Variants in PLPP3 observed in about 807,000 individuals in gnomAD.
PLPP3 encodes the protein phospholipid phosphatase 3, also known as PAP2 beta.
In PLPP3, 6 loss-of-function variants were observed where a neutral mutation model predicts 29.6. The observed-to-expected ratio is 0.20, with a 90% CI of 0.11 to 0.40. PLPP3 has a LOEUF of 0.40. Ranked by LOEUF, PLPP3 falls within the 10% of genes least tolerant of loss-of-function variation. The pLI, the probability that PLPP3 is intolerant of heterozygous loss-of-function variation, is 1.00. For missense variants in PLPP3, 308 were observed against 407.7 expected (o/e 0.76, Z 2.11); for synonymous variants, 152 against 159.7 (o/e 0.95, Z 0.36).
At chr1:56,513,736 C>T (rs897413796) in intron 4 of PLPP3, 2 of 152,018 alleles carry the variant, frequency 1.3e-5, no homozygotes, top group African/African-American at 4.8e-5. Flanking sequence ...AGAATACTGA[C>T]AAAAAAGATC....
In PLPP3 at chr1:56,555,015, A is replaced by G. The variant is rs77759854; in HGVS notation, c.140-17903T>C. ...AGCACAGACTTAGGAGCAATGGGGTATATGTGGTGATCACAGTTCAAATGT... is the reference window on the plus strand; with the variant it reads ...AGCACAGACTTAGGAGCAATGGGGTGTATGTGGTGATCACAGTTCAAATGT... On this transcript the variant is annotated intron_variant, in intron 1 of 5. Transcript: ENST00000371250. Among the ~76,000 whole-genome samples, 3 of 152,166 alleles carry G rather than the reference A, an allele frequency of 2.0e-5. No individual in the cohort carries two copies. In the East Asian group the frequency reaches 5.8e-4, roughly 29 times the overall value.
intron 4 of PLPP3, among the ~76,000 whole-genome samples, chr1:56,521,723 C>CTCTTCCTTTCCTCTCTCCCTTT (rs1645820933): frequency 9.2e-6 from 1 of 108,890 alleles, no homozygotes; most frequent in African/African-American, 3.1e-5. Context: ...CTCCCTCCCT[C>CTCTTCCTTTCCTCTCTCCCTTT]TCTCTTCCTT....
intron 1 of PLPP3, among the ~76,000 whole-genome samples, chr1:56,566,766 TACA>T (rs1269058201): frequency 6.6e-6 from 1 of 152,250 alleles, no homozygotes. Context: ...TTCACATACT[TACA>T]ACTTGATTTT....
intron 4 of PLPP3, among the ~76,000 whole-genome samples, chr1:56,516,679 T>G (rs929690828): frequency 1.4e-4 from 22 of 152,068 alleles, no homozygotes; most frequent in African/African-American, 5.3e-4. Context: ...GAAAGTGATT[T>G]GCAGCCACAG....
chr1:56,529,805 A>G (rs541672493), intron 2 of PLPP3, among the ~76,000 whole-genome samples: 1 of 152,296 alleles, frequency 6.6e-6, no homozygotes, highest in South Asian at 2.1e-4. Flanking sequence ...ATGAAGACAT[A>G]GATCTGTCCA....
intron 1 of PLPP3, among the ~76,000 whole-genome samples, chr1:56,546,260 G>A (rs1468781353): frequency 6.6e-6 from 1 of 152,110 alleles, no homozygotes; most frequent in Non-Finnish European, 1.5e-5. Flanking sequence ...GGCTGTCTGT[G>A]GGTTGCCATT....
At chr1:56,561,609 A>C (rs1370771996) in intron 1 of PLPP3, among the ~76,000 whole-genome samples, 4 of 152,186 alleles carry the variant, frequency 2.6e-5, no homozygotes, top group African/African-American at 9.6e-5. Context: ...TATATTTTAT[A>C]AAATATCTTT....
In PLPP3 at chr1:56,496,465, ATTC is replaced by A; in HGVS notation, c.*83_*85del. On this transcript the variant is annotated 3_prime_UTR_variant, in exon 6 of 6. Transcript: ENST00000371250. ...CAGTCGGGCAAAAGTTTTTCCCTAC[ATTC>A]TACTGTCTGATGAGATTGGAGAGCA... The A allele has an allele frequency of 6.8e-7, 1 of 1,477,090 alleles. No individual in the cohort carries two copies. Among genetic ancestry groups the A allele is most frequent in the Admixed American group, 2.1e-5 (1 of 47,554 alleles). 91.5% of individuals were successfully genotyped at this position (1,477,090 alleles called of 1,614,324 possible).
intron 1 of PLPP3, among the ~76,000 whole-genome samples, chr1:56,560,115 G>C (rs1441274098): frequency 6.6e-6 from 1 of 152,126 alleles, no homozygotes; most frequent in Admixed American, 6.5e-5. Context: ...AGTATACATT[G>C]TATTTCTAGA....
At chr1:56,567,738 AAC>A (rs1376726123) in intron 1 of PLPP3, among the ~76,000 whole-genome samples, 1 of 151,874 alleles carries the variant, frequency 6.6e-6, no homozygotes, top group Non-Finnish European at 1.5e-5. Flanking sequence ...CTCAACGGAA[AAC>A]AGTTTGGCAG....
At chr1:56,532,959 T>G (rs1378546497) in intron 2 of PLPP3, among the ~76,000 whole-genome samples, 1 of 152,062 alleles carries the variant, frequency 6.6e-6, no homozygotes, top group African/African-American at 2.4e-5. Context: ...AGCTACGGAA[T>G]GCTTCCTGGA....
chr1:56,496,695 G>A lies in PLPP3; in HGVS notation c.811-19C>T, dbSNP rs1371691127. On this transcript the variant is annotated intron_variant, in intron 5 of 5. Coordinates refer to ENST00000371250, the MANE Select transcript of PLPP3 (RefSeq NM_003713.5). ...AGAAAACCTAGAAGCACAAATCAGA[G>A]ATCGAAGTCAGTAACTGACATCGGG... The A allele has an allele frequency of 5.0e-6, 8 of 1,612,836 alleles. No individual in the cohort carries two copies. Among genetic ancestry groups the A allele is most frequent in the Non-Finnish European group, 6.8e-6 (8 of 1,179,446 alleles).
At chr1:56,555,246 C>T (rs1646066445) in intron 1 of PLPP3, among the ~76,000 whole-genome samples, 2 of 147,788 alleles carry the variant, frequency 1.4e-5, no homozygotes, top group African/African-American at 4.9e-5. Context: ...CATCCAATCC[C>T]TCCTGCTTGG....
At chr1:56,562,381 G>A (rs1272663550) in intron 1 of PLPP3, among the ~76,000 whole-genome samples, 1 of 152,102 alleles carries the variant, frequency 6.6e-6, no homozygotes, top group Non-Finnish European at 1.5e-5. Context: ...AATACACGGG[G>A]GAGGAGAGAC....
At chr1:56,549,328 G>A (rs1041888317) in intron 1 of PLPP3, among the ~76,000 whole-genome samples, 10 of 152,148 alleles carry the variant, frequency 6.6e-5, no homozygotes, top group Non-Finnish European at 1.5e-4. Flanking sequence ...CTAGTCATTG[G>A]TTCAATGAAG....
intron 5 of PLPP3, among the ~76,000 whole-genome samples, chr1:56,497,031 T>C (rs548023710): frequency 2.6e-5 from 4 of 152,314 alleles, no homozygotes; most frequent in African/African-American, 9.6e-5. Context: ...AGGTCATAAT[T>C]AGTGATAGTC....
At chr1:56,568,638 T>A (rs72903425) in intron 1 of PLPP3, among the ~76,000 whole-genome samples, 8,713 of 152,246 alleles carry the variant, frequency 0.057, 664 homozygotes, top group African/African-American at 0.17. Context: ...CTTTTTCTTT[T>A]CTTTTTGAGA....
chr1:56,523,412 G>A (rs1020742900), intron 4 of PLPP3, among the ~76,000 whole-genome samples: 1 of 152,122 alleles, frequency 6.6e-6, no homozygotes, highest in Non-Finnish European at 1.5e-5. Context: ...TCAGAAAACA[G>A]TGTTTGTACC....
At chr1:56,534,692 T>C (rs192870528) in intron 2 of PLPP3, among the ~76,000 whole-genome samples, 226 of 152,282 alleles carry the variant, frequency 1.5e-3, no homozygotes, top group African/African-American at 5.2e-3. Context: ...TTAAACTCTA[T>C]AGCTTTTCCA....
Sources: allele counts gnomAD v4.1 joint callset (sites outside exome capture counted in the v4.1 genomes callset), GRCh38; gene constraint gnomAD v4.1.1; transcripts MANE v1.5; gene names NCBI Gene and HGNC (gene_info 2026-07-23, HGNC 2026-07-21).